The following NRG4 variants were observed in gnomAD, a reference collection of about 807,000 sequenced individuals.
NRG4 encodes the protein pro-neuregulin-4, membrane-bound isoform.
In NRG4, 10 loss-of-function variants were observed where a neutral mutation model predicts 15.0. The ratio of observed to expected loss-of-function variants is 0.67; its 90% CI spans 0.41 to 1.13. The LOEUF is 1.13. Among genes scored for constraint, NRG4 ranks in the 50% most tolerant of loss-of-function variants. The pLI, the probability that NRG4 is intolerant of heterozygous loss-of-function variation, is 0.00. For synonymous variants in NRG4, 41 were observed against 50.1 expected (o/e 0.82, Z 0.77); for missense variants, 139 against 140.2 (o/e 0.99, Z 0.04).
intron 5 of NRG4, among the ~76,000 whole-genome samples, chr15:75,954,720 C>T (rs897122427): frequency 6.6e-5 from 10 of 152,160 alleles, no homozygotes; most frequent in South Asian, 2.1e-4. Context: ...CCACCATGCC[C>T]GGCTTTCAGT....
chr15:76,007,158 CATT>C (rs2034634224), intron 3 of NRG4, among the ~76,000 whole-genome samples: 1 of 150,982 alleles, frequency 6.6e-6, no homozygotes, highest in South Asian at 2.1e-4. Context: ...GGCTAAACGT[CATT>C]GAGTCGAAGA....
At chr15:75,945,275 T>A (rs981510232) in intron 5 of NRG4, among the ~76,000 whole-genome samples, 2 of 8,864 alleles carry the variant, frequency 2.3e-4, no homozygotes, top group African/African-American at 3.6e-4. Flanking sequence ...TTTTATTTTA[T>A]TTTTTTTGTG....
Position 76,009,273 on chromosome 15 carries a change from G to C in NRG4, c.31C>G (p.Pro11Ala). 1 of 1,592,670 alleles carries C rather than the reference G, an allele frequency of 6.3e-7. No individual in the cohort carries two copies. Among genetic ancestry groups the C allele is most frequent in the Non-Finnish European group, 8.6e-7 (1 of 1,164,690 alleles). The change falls in exon 3 of 6, where the codon CCC becomes GCC. Residue 11 changes from proline to alanine, a missense_variant. By Grantham distance (27) the Pro-to-Ala change is conservative (BLOSUM62 -1). Coordinates refer to ENST00000394907, the MANE Select transcript of NRG4 (RefSeq NM_138573.4). Reference protein sequence around the residue: MPTDHEEPCGPSHKSFCLNGG... With the variant: MPTDHEEPCGASHKSFCLNGG... ...TTCAGGCAAAACGACTTGTGACTGG[G>C]ACCACAGGGCTCTTCGTGATCTAGA...
chr15:76,014,694 T>A (rs190656914), upstream of NRG4, among the ~76,000 whole-genome samples: 2 of 152,256 alleles, frequency 1.3e-5, no homozygotes, highest in Non-Finnish European at 2.9e-5. Context: ...TTCTGTTCCA[T>A]TGGTCTATAT....
At chr15:75,944,236 T>A (rs1210693571) in intron 5 of NRG4, among the ~76,000 whole-genome samples, 1 of 151,984 alleles carries the variant, frequency 6.6e-6, no homozygotes, top group Non-Finnish European at 1.5e-5. Flanking sequence ...CATTGTAGAG[T>A]GAGAATAATA....
chr15:75,969,878 A>G (rs1287155354), intron 3 of NRG4, among the ~76,000 whole-genome samples: 1 of 152,214 alleles, frequency 6.6e-6, no homozygotes, highest in Admixed American at 6.5e-5. Context: ...TTCTTTTATT[A>G]TAAGCTTCAA....
intron 4 of NRG4, among the ~76,000 whole-genome samples, chr15:76,045,779 G>A (rs2035855150): frequency 6.6e-6 from 1 of 150,766 alleles, no homozygotes; most frequent in South Asian, 2.1e-4. Context: ...CAGAGGCTGG[G>A]AAGGGTGGAG....
chr15:75,953,058 TTG>T (rs2141789938), intron 5 of NRG4, among the ~76,000 whole-genome samples: 1 of 152,318 alleles, frequency 6.6e-6, no homozygotes, highest in Non-Finnish European at 1.5e-5. Context: ...CTTTTGTTGC[TTG>T]TACTTTTAGA....
chr15:76,051,061 A>G lies in NRG4; in HGVS notation c.-105+1006T>C, dbSNP rs1370653072. On this transcript the variant is annotated intron_variant, in intron 4 of 8. Transcript: ENST00000563910. ...CGCTCTGTCGCCCAGGCTGGAGTGC[A>G]GTGGCGGGATCTCGGCTCACTGCAA... is the stretch of plus-strand genomic sequence containing the variant. Among the ~76,000 whole-genome samples the G allele has an allele frequency of 2.0e-5, 3 of 146,884 alleles. 1 individual carries two copies. Among genetic ancestry groups the G allele is most frequent in the African/African-American group, 7.8e-5 (3 of 38,606 alleles).
intron 1 of NRG4, 95 bp downstream of exon 1, chr15:76,012,224 A>T (rs1289359590): frequency 6.6e-6 from 1 of 152,168 alleles, no homozygotes; most frequent in Non-Finnish European, 1.5e-5. Flanking sequence ...ACAGGCAGGA[A>T]GGAGAACATT....
intron 4 of NRG4, among the ~76,000 whole-genome samples, chr15:76,037,890 C>T (rs762849520): frequency 5.9e-5 from 9 of 152,158 alleles, no homozygotes; most frequent in Non-Finnish European, 1.2e-4. Flanking sequence ...TTTTGTCTTG[C>T]ACCTTGGACA....
intron 3 of NRG4, among the ~76,000 whole-genome samples, chr15:75,984,240 A>G (rs2033710397): frequency 6.6e-6 from 1 of 152,172 alleles, no homozygotes; most frequent in Non-Finnish European, 1.5e-5. Context: ...TGAATGTACC[A>G]TTCTGGTTGG....
rs2030984289 is a variant in NRG4, at chr15:75,941,793, T to C, written c.*1845A>G. 1 of 151,966 alleles carries C rather than the reference T, an allele frequency of 6.6e-6. No homozygotes were observed. The highest frequency in any genetic ancestry group is 1.5e-5 in the Non-Finnish European group (1 of 67,962). The allele number at this position is 151,966 out of a possible 1,614,324, so 9.4% of individuals were successfully genotyped here. On this transcript the variant is annotated 3_prime_UTR_variant, in exon 6 of 6. Transcript: ENST00000394907. ...ATTTATTGTTTAAGGGGCACAGAGA[T>C]TAGTGTGGGATCATGAAAAAGTTCC...
upstream of NRG4, among the ~76,000 whole-genome samples, chr15:76,015,878 A>G (rs1328552273): frequency 1.3e-5 from 2 of 152,168 alleles, no homozygotes; most frequent in Non-Finnish European, 2.9e-5. Context: ...GTTAGGGAGG[A>G]GTCCCTCTTT....
chr15:76,055,605 T>C lies in NRG4; in HGVS notation c.-262+1349A>G, dbSNP rs77359981. On this transcript the variant is annotated intron_variant, in intron 2 of 8. Coordinates refer to the NRG4 transcript ENST00000563910. ...GGGTCCATGTTTGTTGAAGGACAAT[T>C]GTATGAGTGGGAGTTCTCTAAATTA... Among the ~76,000 whole-genome samples, 197 of 152,326 alleles carry C rather than the reference T, an allele frequency of 1.3e-3. 5 individuals are homozygous for C. In the East Asian group the frequency reaches 0.033, roughly 26 times the overall value.
chr15:75,951,416 C>T (rs890877647), intron 5 of NRG4, among the ~76,000 whole-genome samples: 1 of 152,034 alleles, frequency 6.6e-6, no homozygotes, highest in Non-Finnish European at 1.5e-5. Flanking sequence ...GGTCTGCCCC[C>T]CTTGGCCTCC....
intron 3 of NRG4, among the ~76,000 whole-genome samples, chr15:75,999,473 C>T (rs7181550): frequency 0.037 from 5,613 of 152,188 alleles, 181 homozygotes; most frequent in African/African-American, 0.085. Context: ...ACATAGTGTT[C>T]GGCCCTTTTT....
At position 75,943,530 on chromosome 15, in the gene NRG4, TTTTA is replaced by T. The variant is rs199688956; in HGVS notation, c.*104_*107del. On this transcript the variant is annotated 3_prime_UTR_variant, in exon 6 of 6. Coordinates refer to ENST00000394907, the MANE Select transcript of NRG4 (RefSeq NM_138573.4). ...GTTCATGATACGAGTTACACAAGCG[TTTTA>T]TTTAAGAAATAAAGGATTAGATTTT... is the stretch of plus-strand genomic sequence containing the variant. 0.021 allele frequency: 15,648 copies of T among 731,966 alleles called. 229 individuals carry two copies. The highest frequency in any genetic ancestry group is 0.028 in the Non-Finnish European group (11,961 of 420,314). The allele number at this position is 731,966 out of a possible 1,614,324, so 45.3% of individuals were successfully genotyped here.
rs184633618 is a variant in NRG4, at chr15:75,982,319, G to A, written c.105-20345C>T. On this transcript the variant is annotated intron_variant, in intron 3 of 5. Transcript: ENST00000394907. ...GGCCATACTCCAGAAATACAAGAAT[G>A]ATTCAAAATCAGGACTAATAATACA... Among the ~76,000 whole-genome samples, 87 of 152,204 alleles carry A rather than the reference G, an allele frequency of 5.7e-4. 1 individual carries two copies. The highest frequency in any genetic ancestry group is 2.0e-3 in the African/African-American group (81 of 41,528).
Sources: gnomAD v4.1 joint callset for allele counts (sites outside exome capture counted in the v4.1 genomes callset) on GRCh38, gnomAD v4.1.1 for gene constraint, MANE v1.5 for transcripts, NCBI Gene and HGNC (gene_info 2026-07-23, HGNC 2026-07-21) for gene names.